SPTB: variants seen among roughly 807,000 people sequenced by gnomAD.
The protein encoded by SPTB is spectrin beta chain, erythrocytic.
Under a neutral mutation model 256.2 loss-of-function variants are expected in SPTB, and 45 were observed. The observed-to-expected ratio is 0.18, with a 90% CI of 0.14 to 0.23. The LOEUF (loss-of-function observed/expected upper bound fraction) is 0.23, where lower values mean the gene tolerates loss of function less well. Among genes scored for constraint, SPTB ranks in the 10% least tolerant of loss-of-function variants. The pLI is 1.00. For missense variants in SPTB, 2,715 were observed against 3,040.4 expected, an observed-to-expected ratio of 0.89 and a Z score of 2.52; for synonymous variants, 1,231 against 1,243.1, an observed-to-expected ratio of 0.99 and a Z score of 0.21.
At chr14:64,763,886 TCAC>T in intron 32 of SPTB, 1 of 518,840 alleles carries the variant, frequency 1.9e-6, no homozygotes, top group South Asian at 1.4e-5. Context: ...GCAGCTTCAG[TCAC>T]CACGTGCACA....
chr14:64,749,402 C>T lies in SPTB; in HGVS notation c.6891G>A (p.Ala2297=), dbSNP rs57421986. The change falls in exon 36 of 36, where the codon GCG becomes GCA. Residue 2297 remains alanine (A), a synonymous_variant. Transcript: ENST00000644917. The surrounding 1 kb of genome is among the most constrained non-coding windows in gnomAD (Gnocchi z 4.7). ...INESQSIRVK[A]QSLPLPSLSG... ...AGAGGGAAGGCAGGGGCAGGCTCTG[C>T]GCCTTGACGCGGATGCTCTGGGACT... 112,152 of 1,607,956 alleles carry T rather than the reference C, an allele frequency of 0.07. 5,278 individuals carry two copies. Among genetic ancestry groups the T allele is most frequent in the African/African-American group, 0.23 (17,354 of 74,984 alleles).
At chr14:64,756,891 T>G (rs1350541437) in intron 32 of SPTB, 1 of 152,206 alleles carries the variant, frequency 6.6e-6, no homozygotes, top group African/African-American at 2.4e-5. Context: ...TGAGCCAGCA[T>G]TGGCCACAAG....
chr14:64,751,927 CAA>C (rs374561563), intron 33 of SPTB, among the ~76,000 whole-genome samples: 37 of 71,856 alleles, frequency 5.1e-4, no homozygotes, highest in Admixed American at 1.0e-3. Context: ...ACTAAAAATG[CAA>C]AAAAAAAAAA....
intron 1 of SPTB, among the ~76,000 whole-genome samples, chr14:64,842,633 A>G (rs972940259): frequency 6.6e-6 from 1 of 152,256 alleles, no homozygotes; most frequent in Non-Finnish European, 1.5e-5. Context: ...GACACGGAGT[A>G]TACAGGCTCT....
Position 64,796,447 on chromosome 14 carries a change from A to G in SPTB, c.1341+110T>C. 2.8e-6 allele frequency: 4 copies of G among 1,449,532 alleles called. No homozygotes were observed. Among genetic ancestry groups the G allele is most frequent in the Non-Finnish European group, 3.8e-6 (4 of 1,039,494 alleles). The allele number at this position is 1,449,532 out of a possible 1,614,324, so 89.8% of individuals were successfully genotyped here. ...CTGGATCACGGGGGAGCTGTGCTGC[A>G]AGGCACGAGGAGAGGCTGTGAGAAG... is the stretch of plus-strand genomic sequence containing the variant. On this transcript the variant is annotated intron_variant, in intron 11 of 35. Coordinates refer to ENST00000644917, the MANE Select transcript of SPTB (RefSeq NM_001355436.2). The surrounding 1 kb of genome is among the most constrained non-coding windows in gnomAD (Gnocchi z 4.1).
At chr14:64,867,876 A>G (rs1314707031) in intron 1 of SPTB, among the ~76,000 whole-genome samples, 1 of 33,686 alleles carries the variant, frequency 3.0e-5, no homozygotes, top group Non-Finnish European at 1.8e-4. Context: ...AAAAAAAAAA[A>G]AAAAAAAAAA....
chr14:64,799,613 A>C lies in SPTB; in HGVS notation c.1064+134T>G, dbSNP rs1271041. On this transcript the variant is annotated intron_variant, in intron 9 of 35. Coordinates refer to ENST00000644917, the MANE Select transcript of SPTB (RefSeq NM_001355436.2). Reference sequence around the variant, plus strand: ...GGTGAAGAGGGGCACAAGGCAGGTGACACACATACAGCTCTCTAATCTTGA... The same window carrying C: ...GGTGAAGAGGGGCACAAGGCAGGTGCCACACATACAGCTCTCTAATCTTGA... 14,561 of 1,039,214 alleles carry C rather than the reference A, an allele frequency of 0.014. 1,345 individuals carry two copies. In the African/African-American group the frequency reaches 0.2, roughly 14 times the overall value. The allele number at this position is 1,039,214 out of a possible 1,614,324, so 64.4% of individuals were successfully genotyped here. A position where few individuals can be genotyped will look rare whatever the true frequency, so the allele number is the denominator to read the frequency against.
In SPTB at chr14:64,797,990, T is replaced by C. The variant is rs529403577; in HGVS notation, c.1065-144A>G. On this transcript the variant is annotated intron_variant, in intron 9 of 35. Coordinates refer to ENST00000644917, the MANE Select transcript of SPTB (RefSeq NM_001355436.2). ...AAAAACACAGAAAAACTAAAGAGAA[T>C]CTGTAGGTCTGCTTACCTGTTAAAA... is the stretch of plus-strand genomic sequence containing the variant. 6 of 737,494 alleles carry C rather than the reference T, an allele frequency of 8.1e-6. No individual in the cohort carries two copies. In the South Asian group the frequency reaches 8.6e-5, roughly 11 times the overall value. 45.7% of individuals were successfully genotyped at this position (737,494 alleles called of 1,614,324 possible).
chr14:64,859,596 T>G (rs2083925313), intron 1 of SPTB, among the ~76,000 whole-genome samples: 2 of 152,196 alleles, frequency 1.3e-5, no homozygotes, highest in South Asian at 2.1e-4. Context: ...ATTCAAAAAT[T>G]AGCCAGCTGT....
At chr14:64,773,527 TA>T in intron 24 of SPTB, 103 bp from the exon 25 acceptor site, 1 of 1,234,322 alleles carries the variant, frequency 8.1e-7, no homozygotes, top group Non-Finnish European at 1.2e-6. Flanking sequence ...CTGGCAGGGA[TA>T]GGTAGGGAGT....
chr14:64,793,932 A>G lies in SPTB; in HGVS notation c.1796-65T>C. 6.5e-7 allele frequency: 1 copy of G among 1,527,966 alleles called. No homozygotes were observed. Among genetic ancestry groups the G allele is most frequent in the Non-Finnish European group, 8.8e-7 (1 of 1,140,054 alleles). 94.7% of individuals were successfully genotyped at this position (1,527,966 alleles called of 1,614,324 possible). On this transcript the variant is annotated intron_variant, in intron 13 of 35. Transcript: ENST00000644917. This position sits in a 1 kb window ranked among gnomAD's most constrained non-coding sequence, Gnocchi z 7.0. ...GGCTTCATTTATGGGCACGCTTCAG[A>G]TAAGCTGCTAGGTTGGAACTACACA...
In SPTB at chr14:64,780,805, C is replaced by A. The variant is rs147650555; in HGVS notation, c.4267-874G>T. Among the ~76,000 whole-genome samples the A allele has an allele frequency of 2.0e-3, 300 of 152,346 alleles. 1 individual carries two copies. Among genetic ancestry groups the A allele is most frequent in the African/African-American group, 6.8e-3 (281 of 41,572 alleles). On this transcript the variant is annotated intron_variant, in intron 20 of 35. Transcript: ENST00000644917. ...AAAAAGAACAAAGCTGGAGGAATCA[C>A]ATTACCTGAATTCAGATTATACTAC...
intron 20 of SPTB, among the ~76,000 whole-genome samples, chr14:64,780,473 G>C (rs1287429564): frequency 6.6e-6 from 1 of 152,166 alleles, no homozygotes; most frequent in African/African-American, 2.4e-5. Flanking sequence ...GAGTGCAATG[G>C]TGCAATCTTG....
Position 64,749,115 on chromosome 14 carries a change from G to T in SPTB, c.*191C>A, listed in dbSNP as rs546919926. ...CTGGAGCGGAGCCAGCGCGGGCGAG[G>T]GCATGGAGGGGGCGTCGGCCCAGGA... is the stretch of plus-strand genomic sequence containing the variant. On this transcript the variant is annotated 3_prime_UTR_variant, in exon 36 of 36. Transcript: ENST00000644917. The surrounding 1 kb of genome is among the most constrained non-coding windows in gnomAD (Gnocchi z 4.7). The T allele has an allele frequency of 1.0e-4, 60 of 592,720 alleles. No homozygotes were observed. In the Admixed American group the frequency reaches 1.9e-3, roughly 19 times the overall value. 36.7% of individuals were successfully genotyped at this position (592,720 alleles called of 1,614,324 possible).
chr14:64,851,350 A>G (rs1405088273), intron 1 of SPTB, among the ~76,000 whole-genome samples: 5 of 152,190 alleles, frequency 3.3e-5, no homozygotes, highest in African/African-American at 1.2e-4. Context: ...GGATACTAAC[A>G]TTATCTACTT....
Position 64,794,506 on chromosome 14 carries a change from C to A in SPTB, c.1756G>T (p.Ala586Ser). Residue 586 changes from alanine (A) to serine (S), a missense_variant, in exon 13 of 36, where the codon GCC becomes TCC. Ala to Ser is a moderately conservative substitution (Grantham distance 99). Around this residue, in one of 4 missense-constraint regions of SPTB, gnomAD observed 2,239 missense variants for 2,384.4 expected, o/e 0.94. Transcript: ENST00000644917. ...AACTTCAGGGTGGCTGCGGTGATGG[C>A]CTTCACTTTGTCCCCTTGGATGGCG... ...DIAIQGDKVK[A>S]ITAATLKFTE... is the part of the protein sequence containing the mutation. 6.2e-7 allele frequency: 1 copy of A among 1,614,186 alleles called. No homozygotes were observed. Among genetic ancestry groups the A allele is most frequent in the Non-Finnish European group, 8.5e-7 (1 of 1,180,046 alleles).
chr14:64,851,355 C>T (rs533116546), intron 1 of SPTB, among the ~76,000 whole-genome samples: 1 of 152,264 alleles, frequency 6.6e-6, no homozygotes, highest in East Asian at 1.9e-4. Flanking sequence ...CTAACATTAT[C>T]TACTTTATGG....
At position 64,779,040 on chromosome 14, in the gene SPTB, C is replaced by A. The variant is rs765617394; in HGVS notation, c.4563+117G>T. 134 of 797,526 alleles carry A rather than the reference C, an allele frequency of 1.7e-4. No homozygotes were observed. The highest frequency in any genetic ancestry group is 2.6e-4 in the Non-Finnish European group (121 of 469,942). The allele number at this position is 797,526 out of a possible 1,614,324, so 49.4% of individuals were successfully genotyped here. A position where few individuals can be genotyped will look rare whatever the true frequency, so the allele number is the denominator to read the frequency against. ...GGTTTGGAGACCCCAAAGCTACCAA[C>A]AAGAACAATAATCTGCTGTTGCTAG... On this transcript the variant is annotated intron_variant, in intron 22 of 35. Transcript: ENST00000644917. This position sits in a 1 kb window ranked among gnomAD's most constrained non-coding sequence, Gnocchi z 4.2.
Position 64,771,135 on chromosome 14 carries a change from G to T in SPTB, c.5554-6C>A. ...ACGTCCTGGAACTGCTGCACCTGTG[G>T]TCAGGCAAAATCAGACATTGTTCCC... On this transcript the variant is annotated splice_region_variant and splice_polypyrimidine_tract_variant and intron_variant, in intron 26 of 35. Coordinates refer to ENST00000644917, the MANE Select transcript of SPTB (RefSeq NM_001355436.2). The T allele has an allele frequency of 6.2e-7, 1 of 1,613,396 alleles. No individual in the cohort carries two copies. The highest frequency in any genetic ancestry group is 2.2e-5 in the East Asian group (1 of 44,880).
Sources: allele counts gnomAD v4.1 joint callset (sites outside exome capture counted in the v4.1 genomes callset), GRCh38; gene constraint gnomAD v4.1.1; regional missense constraint gnomAD v4.1.1; non-coding constraint Gnocchi (gnomAD v3.1); transcripts MANE v1.5; gene names NCBI Gene and HGNC (gene_info 2026-07-23, HGNC 2026-07-21).